The following RNF8 variants were observed in gnomAD, a reference collection of about 807,000 sequenced individuals.
RNF8 encodes the protein ring finger protein 8.
A neutral mutation model predicts 59.3 loss-of-function variants in RNF8; 8 were observed. The observed-to-expected ratio is 0.13, with a 90% CI of 0.08 to 0.24. RNF8 has a LOEUF of 0.24. Ranked by LOEUF, RNF8 falls within the 10% of genes least tolerant of loss-of-function variation. The pLI is 1.00. For synonymous variants in RNF8, 162 were observed against 200.0 expected (o/e 0.81, Z 1.60); for missense variants, 406 against 572.6 (o/e 0.71, Z 2.97).
rs1179362276 is a variant in RNF8 at position 37,394,571 on chromosome 6, C to T, written c.*3813C>T. 3.3e-5 allele frequency: 5 copies of T among 152,124 alleles called. No homozygotes were observed. The highest frequency in any genetic ancestry group is 9.7e-5 in the African/African-American group (4 of 41,404). The allele number at this position is 152,124 out of a possible 1,614,324, so 9.4% of individuals were successfully genotyped here. A position where few individuals can be genotyped will look rare whatever the true frequency, so the allele number is the denominator to read the frequency against. On this transcript the variant is annotated 3_prime_UTR_variant, in exon 8 of 8. Transcript: ENST00000373479. ...TCATCTAGTCGCCAAGCAGTATCTC[C>T]TGCTTGCTGCTGCTTTACTACATTC...
intron 7 of RNF8, among the ~76,000 whole-genome samples, chr6:37,383,861 TC>T (rs2113833144): frequency 6.6e-6 from 1 of 152,238 alleles, no homozygotes; most frequent in East Asian, 1.9e-4. Flanking sequence ...TTTTTTGAAA[TC>T]CCCTATAGAG....
chr6:37,367,731 A>G (rs1769618478), intron 2 of RNF8, among the ~76,000 whole-genome samples: 2 of 152,340 alleles, frequency 1.3e-5, no homozygotes, highest in East Asian at 1.9e-4. Context: ...CATTTATTCT[A>G]TGTGAGTCAT....
Position 37,390,773 on chromosome 6 carries a change from G to A in RNF8, c.*15G>A. 6.2e-7 allele frequency: 1 copy of A among 1,614,014 alleles called. No homozygotes were observed. The highest frequency in any genetic ancestry group is 8.5e-7 in the Non-Finnish European group (1 of 1,179,894). Reference sequence around the variant, plus strand: ...GATTGTTCTGAAGACCGTGCTCTAAGGGCATTTGAAAGACTGCCAGGTAGT... The same window carrying A: ...GATTGTTCTGAAGACCGTGCTCTAAAGGCATTTGAAAGACTGCCAGGTAGT... On this transcript the variant is annotated 3_prime_UTR_variant, in exon 8 of 8. Coordinates refer to ENST00000373479, the MANE Select transcript of RNF8 (RefSeq NM_003958.4).
chr6:37,381,581 G>A (rs1282751302), intron 7 of RNF8, among the ~76,000 whole-genome samples: 1 of 152,190 alleles, frequency 6.6e-6, no homozygotes, highest in Non-Finnish European at 1.5e-5. Context: ...GGGAGGCTAA[G>A]TATGTGTGCC....
Position 37,360,685 on chromosome 6 carries a change from C to T in RNF8, c.240+111C>T, listed in dbSNP as rs1769284678. ...AATTCAAAAGTATAACTTCTTCTTT[C>T]CTAGCCATCCAGTTCCCTTTTCCAG... On this transcript the variant is annotated intron_variant, in intron 2 of 7. Transcript: ENST00000373479. This position sits in a 1 kb window ranked among gnomAD's most constrained non-coding sequence, Gnocchi z 4.2. The T allele has an allele frequency of 9.2e-7, 1 of 1,091,914 alleles. No homozygotes were observed. Among genetic ancestry groups the T allele is most frequent in the East Asian group, 2.7e-5 (1 of 36,896 alleles). The allele number at this position is 1,091,914 out of a possible 1,614,324, so 67.6% of individuals were successfully genotyped here.
At chr6:37,354,928 C>G (rs558138318) in intron 1 of RNF8, among the ~76,000 whole-genome samples, 4 of 152,326 alleles carry the variant, frequency 2.6e-5, no homozygotes, top group Non-Finnish European at 5.9e-5. Flanking sequence ...ATGTCTTCCT[C>G]CTTCCCAACT....
chr6:37,383,197 A>G (rs61359777), intron 7 of RNF8, among the ~76,000 whole-genome samples: 2,794 of 152,272 alleles, frequency 0.018, 72 homozygotes, highest in African/African-American at 0.063. Context: ...TCTGGCACCC[A>G]TCTTGGTTTC....
intron 4 of RNF8, among the ~76,000 whole-genome samples, chr6:37,373,850 A>G (rs9462303): frequency 0.058 from 8,880 of 152,296 alleles, 861 homozygotes; most frequent in African/African-American, 0.2. Context: ...CTTGAATAAT[A>G]TCTTTTCAAA....
chr6:37,384,181 G>A (rs974569597), intron 7 of RNF8, among the ~76,000 whole-genome samples: 8 of 141,338 alleles, frequency 5.7e-5, no homozygotes, highest in African/African-American at 8.1e-5. Context: ...TGCCCAGGCT[G>A]AAAGGCTGAA....
intron 4 of RNF8, among the ~76,000 whole-genome samples, chr6:37,373,673 G>GC (rs1769896318): frequency 1.3e-5 from 2 of 152,188 alleles, no homozygotes; most frequent in African/African-American, 4.8e-5. Context: ...CTCCCAAAGT[G>GC]CTGGGATTAC....
chr6:37,386,301 T>A (rs1049366445), intron 7 of RNF8, among the ~76,000 whole-genome samples: 2 of 152,190 alleles, frequency 1.3e-5, no homozygotes, highest in Non-Finnish European at 2.9e-5. Context: ...CCTTGAATTC[T>A]TTATTGTCTC....
intron 1 of RNF8, among the ~76,000 whole-genome samples, chr6:37,354,696 T>G (rs1581657476): frequency 9.3e-6 from 1 of 107,508 alleles, no homozygotes; most frequent in African/African-American, 3.7e-5. Context: ...GCAGGGAACG[T>G]GAGGAGATGC....
Position 37,368,966 on chromosome 6 carries a change from A to G in RNF8, c.723A>G (p.Ala241=), listed in dbSNP as rs1223562775. The change falls in exon 3 of 8, where the codon GCA becomes GCG. Residue 241 remains alanine, a synonymous_variant. Transcript: ENST00000373479. ...HHEQKASNSS[A]SQRSLQMFKV... Reference sequence around the variant, plus strand: ...AGCAGAAAGCCTCAAACTCTTCAGCATCTCAGAGAAGCTTACAGATGTTTA... The same window carrying G: ...AGCAGAAAGCCTCAAACTCTTCAGCGTCTCAGAGAAGCTTACAGATGTTTA... 19 of 1,614,252 alleles carry G rather than the reference A, an allele frequency of 1.2e-5. No individual in the cohort carries two copies. The highest frequency in any genetic ancestry group is 1.5e-5 in the Non-Finnish European group (18 of 1,180,038).
At chr6:37,371,456 G>A in intron 3 of RNF8, 56 bp from the exon 4 acceptor site, 1 of 1,483,646 alleles carries the variant, frequency 6.7e-7, no homozygotes, top group South Asian at 1.1e-5. Context: ...GCTGGATTGT[G>A]TTCCTTTTTT....
At chr6:37,383,576 T>C (rs879274799) in intron 7 of RNF8, among the ~76,000 whole-genome samples, 8 of 152,212 alleles carry the variant, frequency 5.3e-5, no homozygotes, top group Non-Finnish European at 1.2e-4. Flanking sequence ...GTATTCTGAT[T>C]TCACCAAGAA....
intron 2 of RNF8, among the ~76,000 whole-genome samples, chr6:37,361,712 G>T (rs1258949691): frequency 1.3e-5 from 2 of 152,134 alleles, no homozygotes; most frequent in African/African-American, 2.4e-5. Flanking sequence ...CTCATATTGC[G>T]TGCATAAAAC....
rs754590993 is a variant in RNF8 at position 37,360,624 on chromosome 6, T to C, written c.240+50T>C. On this transcript the variant is annotated intron_variant, in intron 2 of 7. Transcript: ENST00000373479. The surrounding 1 kb of genome is among the most constrained non-coding windows in gnomAD (Gnocchi z 4.2). ...TGACTTTTATTTGTTTTTAAATTAC[T>C]TTTTTTTTTTTTTGCATAGGTAATT... is the stretch of plus-strand genomic sequence containing the variant. The C allele has an allele frequency of 3.2e-5, 10 of 310,170 alleles. No homozygotes were observed. The African/African-American group carries it at 5.0e-4, about 16-fold the overall frequency. The allele number at this position is 310,170 out of a possible 1,614,324, so 19.2% of individuals were successfully genotyped here. A position where few individuals can be genotyped will look rare whatever the true frequency, so the allele number is the denominator to read the frequency against.
intron 5 of RNF8, among the ~76,000 whole-genome samples, chr6:37,375,703 C>T (rs1278818683): frequency 4.6e-5 from 7 of 152,168 alleles, no homozygotes; most frequent in African/African-American, 1.4e-4. Context: ...GAAATGGGTC[C>T]AGACCTTCTT....
intron 7 of RNF8, among the ~76,000 whole-genome samples, chr6:37,384,131 A>AT (rs70977654): frequency 0.1 from 12,340 of 124,018 alleles, 822 homozygotes; most frequent in African/African-American, 0.16. Flanking sequence ...CCTTGCTACT[A>AT]TTTTTTTTTT....
Sources: allele counts gnomAD v4.1 joint callset (sites outside exome capture counted in the v4.1 genomes callset), GRCh38; gene constraint gnomAD v4.1.1; non-coding constraint Gnocchi (gnomAD v3.1); transcripts MANE v1.5; gene names NCBI Gene and HGNC (gene_info 2026-07-23, HGNC 2026-07-21).